The following SLC6A15 variants were observed in gnomAD, a reference collection of about 807,000 sequenced individuals.
SLC6A15 encodes solute carrier family 6 member 15.
In SLC6A15, 33 loss-of-function variants were observed where a neutral mutation model predicts 68.5. The observed-to-expected ratio is 0.48, with a 90% CI of 0.37 to 0.64. The LOEUF (loss-of-function observed/expected upper bound fraction) is 0.64. Among genes scored for constraint, SLC6A15 ranks in the 30% least tolerant of loss-of-function variants. The pLI, the probability that SLC6A15 is intolerant of heterozygous loss-of-function variation, is 0.00. For synonymous variants in SLC6A15, 347 were observed against 301.0 expected (o/e 1.15, Z -1.58); for missense variants, 747 against 874.3 (o/e 0.85, Z 1.84).
intron 5 of SLC6A15, among the ~76,000 whole-genome samples, chr12:84,879,487 G>A (rs1026120897): frequency 6.6e-5 from 10 of 151,580 alleles, no homozygotes; most frequent in East Asian, 1.9e-4. Flanking sequence ...CACCATGCCC[G>A]GACAATTTTT....
intron 1 of SLC6A15, among the ~76,000 whole-genome samples, chr12:84,899,493 T>C (rs969412923): frequency 6.6e-6 from 1 of 152,194 alleles, no homozygotes; most frequent in Admixed American, 6.5e-5. Context: ...GTCATGGACA[T>C]TGGTTCCTAG....
In SLC6A15 at chr12:84,861,791, G is replaced by A. The variant is rs140619291; in HGVS notation, c.2034C>T (p.His678=). 6.8e-5 allele frequency: 109 copies of A among 1,613,888 alleles called. No homozygotes were observed. Among genetic ancestry groups the A allele is most frequent in the East Asian group, 1.1e-4 (5 of 44,868 alleles). ...ATGGCATCTCGCTCGGTATTTTTCC[G>A]TGAATGAGGCTTGTATCATCGCCCT... ...NLEGDDTSLI[H]GKIPSEMPSP... is the part of the protein sequence containing the mutation. Residue 678 remains histidine, a synonymous_variant, in exon 12 of 12, where the codon CAC becomes CAT. Coordinates refer to ENST00000266682, the MANE Select transcript of SLC6A15 (RefSeq NM_182767.6).
intron 9 of SLC6A15, among the ~76,000 whole-genome samples, 189 bp downstream of exon 9, chr12:84,870,289 T>C (rs1871230847): frequency 2.0e-5 from 3 of 150,048 alleles, no homozygotes; most frequent in Non-Finnish European, 4.4e-5. Flanking sequence ...TATTATATTA[T>C]ACATACAATA....
rs1871629699 is a variant in SLC6A15 at position 84,877,892 on chromosome 12, C to T, written c.757-1285G>A. Among the ~76,000 whole-genome samples, 3 of 152,106 alleles carry T rather than the reference C, an allele frequency of 2.0e-5. No homozygotes were observed. In the South Asian group the frequency reaches 6.2e-4, roughly 31 times the overall value. On this transcript the variant is annotated intron_variant, in intron 5 of 11. Coordinates refer to ENST00000266682, the MANE Select transcript of SLC6A15 (RefSeq NM_182767.6). ...AAGCTAGTAAGGGTAAAGATATTTT[C>T]TGTTTACTACCATATCTCACACACC...
At chr12:84,893,656 A>T (rs2120684131) in intron 1 of SLC6A15, among the ~76,000 whole-genome samples, 1 of 152,316 alleles carries the variant, frequency 6.6e-6, no homozygotes, top group Non-Finnish European at 1.5e-5. Flanking sequence ...TATTAGATTG[A>T]CATTAAAAGT....
At chr12:84,891,190 T>G (rs1037245057) in intron 2 of SLC6A15, among the ~76,000 whole-genome samples, 1 of 152,178 alleles carries the variant, frequency 6.6e-6, no homozygotes, top group Non-Finnish European at 1.5e-5. Flanking sequence ...TGTTTAAAAT[T>G]AAGGTTGCTA....
chr12:84,888,126 T>C (rs1293796107), intron 2 of SLC6A15, among the ~76,000 whole-genome samples: 1 of 148,630 alleles, frequency 6.7e-6, no homozygotes, highest in Non-Finnish European at 1.5e-5. Context: ...GAGCGTGGGC[T>C]GCGCGCCTGT....
At chr12:84,896,089 C>A (rs1224746478) in intron 1 of SLC6A15, among the ~76,000 whole-genome samples, 1 of 152,156 alleles carries the variant, frequency 6.6e-6, no homozygotes, top group Admixed American at 6.5e-5. Flanking sequence ...ACAATCTCTG[C>A]CAACTTAGCA....
At chr12:84,888,110 A>C (rs926413740) in intron 2 of SLC6A15, among the ~76,000 whole-genome samples, 1 of 151,090 alleles carries the variant, frequency 6.6e-6, no homozygotes, top group South Asian at 2.1e-4. Context: ...AAAAAAAAAA[A>C]CAGCTGAGCG....
intron 8 of SLC6A15, among the ~76,000 whole-genome samples, chr12:84,872,167 AAAAG>A (rs1871313515): frequency 1.3e-5 from 2 of 152,006 alleles, no homozygotes; most frequent in African/African-American, 4.8e-5. Context: ...AAAAAAAAAA[AAAAG>A]AACTTGATCA....
Position 84,872,707 on chromosome 12 carries a change from A to G in SLC6A15, c.1197T>C (p.Thr399=). Reference sequence around the variant, plus strand: ...CATAAACTAAATGATAATCTTCTGCAGTAACAGTTGAAAGGTTGATATGAT... The same window carrying G: ...CATAAACTAAATGATAATCTTCTGCGGTAACAGTTGAAAGGTTGATATGAT... The part of the protein sequence containing the change: ...IPHHINLSTV[T]AEDYHLVYDI... The change falls in exon 8 of 12, where the codon ACT becomes ACC. Residue 399 remains threonine (T), a synonymous_variant. Coordinates refer to ENST00000266682, the MANE Select transcript of SLC6A15 (RefSeq NM_182767.6). 1 of 1,613,074 alleles carries G rather than the reference A, an allele frequency of 6.2e-7. No homozygotes were observed. The highest frequency in any genetic ancestry group is 8.5e-7 in the Non-Finnish European group (1 of 1,179,528).
intron 2 of SLC6A15, among the ~76,000 whole-genome samples, chr12:84,889,680 C>A (rs1035841434): frequency 2.6e-5 from 4 of 152,034 alleles, no homozygotes; most frequent in African/African-American, 9.7e-5. Context: ...AAGCACATTA[C>A]CTGTAGCTAT....
intron 9 of SLC6A15, among the ~76,000 whole-genome samples, chr12:84,869,387 G>A (rs936184010): frequency 2.0e-5 from 3 of 151,066 alleles, no homozygotes; most frequent in African/African-American, 7.3e-5. Flanking sequence ...GCGTGAACCC[G>A]GGAGGCGGAG....
intron 5 of SLC6A15, among the ~76,000 whole-genome samples, chr12:84,880,239 A>T (rs1412147517): frequency 2.6e-5 from 4 of 152,216 alleles, no homozygotes; most frequent in African/African-American, 7.2e-5. Context: ...AAATTCCATG[A>T]TTTAAAAAGA....
intron 8 of SLC6A15, among the ~76,000 whole-genome samples, chr12:84,871,204 A>C (rs933314730): frequency 6.6e-6 from 1 of 151,752 alleles, no homozygotes; most frequent in Non-Finnish European, 1.5e-5. Flanking sequence ...GCAAATGCAA[A>C]ATAAAAGGAT....
chr12:84,907,400 A>G (rs1873220889), intron 1 of SLC6A15, among the ~76,000 whole-genome samples: 1 of 152,084 alleles, frequency 6.6e-6, no homozygotes, highest in South Asian at 2.1e-4. Flanking sequence ...AAAATAAGAA[A>G]ACAGGTAGAG....
intron 5 of SLC6A15, chr12:84,881,209 G>C (rs904535506): frequency 5.2e-5 from 8 of 154,998 alleles, no homozygotes; most frequent in African/African-American, 1.9e-4. Context: ...TGTAACTAGG[G>C]CACATGCTAC....
intron 9 of SLC6A15, 125 bp from the exon 10 acceptor site, chr12:84,867,318 A>AGG: frequency 1.4e-6 from 1 of 715,892 alleles, no homozygotes; most frequent in Non-Finnish European, 2.1e-6. Flanking sequence ...TAAACAGGCA[A>AGG]TACCTTTCCT....
At chr12:84,908,419 C>T (rs538183901) in intron 1 of SLC6A15, among the ~76,000 whole-genome samples, 42 of 151,812 alleles carry the variant, frequency 2.8e-4, no homozygotes, top group African/African-American at 9.9e-4. Flanking sequence ...CAACAAAAAT[C>T]AGGGGGTCGT....
Sources: allele counts gnomAD v4.1 joint callset (sites outside exome capture counted in the v4.1 genomes callset), GRCh38; gene constraint gnomAD v4.1.1; transcripts MANE v1.5; gene names NCBI Gene and HGNC (gene_info 2026-07-23, HGNC 2026-07-21).